Variants in RTTN observed in about 807,000 individuals in gnomAD.
The protein encoded by RTTN is rotatin.
A neutral mutation model predicts 269.2 loss-of-function variants in RTTN; 182 were observed. The observed-to-expected ratio is 0.68, with a 90% CI of 0.60 to 0.76. The LOEUF is 0.76. Among genes scored for constraint, RTTN ranks in the 30% least tolerant of loss-of-function variants. The pLI, the probability that RTTN is intolerant of heterozygous loss-of-function variation, is 0.00. For synonymous variants in RTTN, 1,006 were observed against 963.5 expected, an observed-to-expected ratio of 1.04 and a Z score of -0.82; for missense variants, 2,545 against 2,608.6, an observed-to-expected ratio of 0.98 and a Z score of 0.53.
At chr18:70,047,458 T>C (rs72959846) in intron 40 of RTTN, among the ~76,000 whole-genome samples, 147 of 152,310 alleles carry the variant, frequency 9.7e-4, no homozygotes, top group Non-Finnish European at 1.5e-3. Context: ...ACTGTAAACA[T>C]AATTTTATAA....
Position 70,159,664 on chromosome 18 carries a change from C to A in RTTN, c.1929+6398G>T, listed in dbSNP as rs80355219. Among the ~76,000 whole-genome samples the A allele has an allele frequency of 4.8e-3, 731 of 151,970 alleles. 4 individuals are homozygous for A. Among genetic ancestry groups the A allele is most frequent in the African/African-American group, 0.017 (691 of 41,470 alleles). ...AATTTTGGTTCTCCAAAAGAATATA[C>A]AAGATTGATATATCATTAGCTAGAT... On this transcript the variant is annotated intron_variant, in intron 14 of 48. Coordinates refer to ENST00000640769, the MANE Select transcript of RTTN (RefSeq NM_173630.4).
intron 17 of RTTN, among the ~76,000 whole-genome samples, chr18:70,148,465 C>T (rs991943392): frequency 5.3e-5 from 8 of 152,108 alleles, no homozygotes; most frequent in Admixed American, 3.9e-4. Context: ...AAAATACCTG[C>T]ATAACTCTGG....
In RTTN at chr18:70,171,918, C is replaced by T. The variant is rs142994276; in HGVS notation, c.1477-2851G>A. On this transcript the variant is annotated intron_variant, in intron 11 of 48. Coordinates refer to ENST00000640769, the MANE Select transcript of RTTN (RefSeq NM_173630.4). Reference sequence around the variant, plus strand: ...GTTTGAAAAGCACTGCTCTCAGTCACTCAACTGGCTTCACCAGGTCATTAG... The same window carrying T: ...GTTTGAAAAGCACTGCTCTCAGTCATTCAACTGGCTTCACCAGGTCATTAG... 4.6e-5 allele frequency among the ~76,000 whole-genome samples: 7 copies of T among 152,306 alleles called. No homozygotes were observed. In the East Asian group the frequency reaches 9.6e-4, roughly 21 times the overall value.
rs2056108750 is a variant in RTTN, at chr18:70,004,201, A to G, written c.6631T>C (p.Tyr2211His). 1.9e-6 allele frequency: 3 copies of G among 1,613,782 alleles called. No individual in the cohort carries two copies. The highest frequency in any genetic ancestry group is 2.5e-6 in the Non-Finnish European group (3 of 1,179,680). Residue 2211 changes from tyrosine to histidine, a missense_variant, in exon 49 of 49, where the codon TAT becomes CAT. By Grantham distance (83) the Tyr-to-His change is moderately conservative. Coordinates refer to ENST00000640769, the MANE Select transcript of RTTN (RefSeq NM_173630.4). ...AGGTTTTCAAGACATTTCAAATAAT[A>G]GGCATTTAGAGGGTTTGCTTCTGAG... Reference protein sequence around the residue: ...PNSEANPLNAYYLKCLENLVQ... With the variant: ...PNSEANPLNAHYLKCLENLVQ...
At chr18:70,045,694 T>C (rs2057471067) in intron 40 of RTTN, among the ~76,000 whole-genome samples, 1 of 152,210 alleles carries the variant, frequency 6.6e-6, no homozygotes, top group Non-Finnish European at 1.5e-5. Flanking sequence ...AGGAGTATAC[T>C]TCCTCTCTTC....
intron 30 of RTTN, among the ~76,000 whole-genome samples, chr18:70,089,389 C>G (rs559429299): frequency 1.3e-5 from 2 of 152,314 alleles, no homozygotes; most frequent in African/African-American, 2.4e-5. Context: ...AGAAACCAAC[C>G]ATGTTGACAC....
At chr18:70,169,670 AAATC>A (rs2061087086) in intron 11 of RTTN, among the ~76,000 whole-genome samples, 1 of 152,198 alleles carries the variant, frequency 6.6e-6, no homozygotes, top group African/African-American at 2.4e-5. Context: ...AATTAGTATA[AAATC>A]AATATGCCCA....
At chr18:70,162,274 C>T (rs954330396) in intron 14 of RTTN, among the ~76,000 whole-genome samples, 1 of 152,136 alleles carries the variant, frequency 6.6e-6, no homozygotes, top group Non-Finnish European at 1.5e-5. Flanking sequence ...AAATACAGCA[C>T]ATTCTCACTT....
At chr18:70,031,143 C>T (rs920826538) in intron 40 of RTTN, among the ~76,000 whole-genome samples, 162 bp from the exon 41 acceptor site, 2 of 152,130 alleles carry the variant, frequency 1.3e-5, no homozygotes, top group Admixed American at 6.5e-5. Flanking sequence ...GAATGTTCTG[C>T]GTGGATAAGA....
At chr18:70,055,971 G>A (rs1273001693) in intron 37 of RTTN, among the ~76,000 whole-genome samples, 2 of 152,096 alleles carry the variant, frequency 1.3e-5, no homozygotes, top group African/African-American at 2.4e-5. Flanking sequence ...CCAGCTTTCT[G>A]CTTAAGTGTC....
intron 35 of RTTN, 103 bp from the exon 36 acceptor site, chr18:70,060,145 A>G (rs1176693836): frequency 2.3e-5 from 24 of 1,060,566 alleles, no homozygotes; most frequent in African/African-American, 6.4e-5. Context: ...ATGATAATGT[A>G]TAGTTGGGGA....
chr18:70,016,877 C>T (rs2056554826), intron 46 of RTTN, among the ~76,000 whole-genome samples: 1 of 152,060 alleles, frequency 6.6e-6, no homozygotes, highest in African/African-American at 2.4e-5. Context: ...AAGAGCTTAC[C>T]TTCTAGTGTG....
At position 70,176,734 on chromosome 18, in the gene RTTN, A is replaced by G; in HGVS notation, c.1417T>C (p.Phe473Leu). The G allele has an allele frequency of 6.2e-7, 1 of 1,614,086 alleles. No homozygotes were observed. The highest frequency in any genetic ancestry group is 1.6e-4 in the Middle Eastern group (1 of 6,062). ...EVMLVHHRMA[F>L]ISISLFAVRL... ...ACTGCAAACAGGGAAATGCTGATAA[A>G]GGCCATTCTGTGGTGCACAAGCATC... The change falls in exon 11 of 49, where the codon TTT (phenylalanine) becomes CTT (leucine). Residue 473 changes from phenylalanine (F) to leucine (L), a missense_variant. Transcript: ENST00000640769.
In RTTN at chr18:70,142,343, A is replaced by G; in HGVS notation, c.2526T>C (p.Asp842=). 2 of 1,608,954 alleles carry G rather than the reference A, an allele frequency of 1.2e-6. No homozygotes were observed. Among genetic ancestry groups the G allele is most frequent in the Non-Finnish European group, 1.7e-6 (2 of 1,178,362 alleles). The change falls in exon 19 of 49, where the codon GAT becomes GAC. Residue 842 remains aspartate, a synonymous_variant. Coordinates refer to ENST00000640769, the MANE Select transcript of RTTN (RefSeq NM_173630.4). ...EKVYEIFTSD[D]VDLVLRKSAA... Reference sequence around the variant, plus strand: ...CTGACTTTCTCAAAACGAGATCAACATCATCTGAGGTGAAGATTTCATATA... The same window carrying G: ...CTGACTTTCTCAAAACGAGATCAACGTCATCTGAGGTGAAGATTTCATATA...
intron 26 of RTTN, 122 bp downstream of exon 26, chr18:70,121,434 T>C (rs1179008687): frequency 2.6e-6 from 2 of 783,052 alleles, no homozygotes; most frequent in Non-Finnish European, 3.9e-6. Flanking sequence ...ATTCATTACA[T>C]GAAGACTACT....
rs750966344 is a variant in RTTN, at chr18:70,166,891, G to A, written c.1802+28C>T. 2.6e-5 allele frequency: 37 copies of A among 1,446,988 alleles called. No individual in the cohort carries two copies. In the East Asian group the frequency reaches 3.4e-4, roughly 13 times the overall value. 89.6% of individuals were successfully genotyped at this position (1,446,988 alleles called of 1,614,324 possible). A position where few individuals can be genotyped will look rare whatever the true frequency, so the allele number is the denominator to read the frequency against. ...CACACCCTAAGTGTCCAATAATAACGTAATCACATTAAGAAAGAAAATATT... is the reference window on the plus strand; with the variant it reads ...CACACCCTAAGTGTCCAATAATAACATAATCACATTAAGAAAGAAAATATT... On this transcript the variant is annotated intron_variant, in intron 13 of 48. Transcript: ENST00000640769.
intron 5 of RTTN, 136 bp downstream of exon 5, chr18:70,199,277 TA>T: frequency 2.2e-6 from 1 of 450,800 alleles, no homozygotes. Context: ...TTTTGAAAAA[TA>T]AAAATCATTT....
chr18:70,141,409 T>G (rs2060253984), intron 19 of RTTN, among the ~76,000 whole-genome samples: 1 of 152,118 alleles, frequency 6.6e-6, no homozygotes, highest in Admixed American at 6.6e-5. Context: ...TTTTTAAAAA[T>G]AAACATTTAT....
chr18:70,132,131 C>A (rs1339808525), intron 23 of RTTN, among the ~76,000 whole-genome samples: 3 of 152,020 alleles, frequency 2.0e-5, no homozygotes, highest in Admixed American at 2.0e-4. Context: ...AGACAACCCA[C>A]CAGCATGTTT....
Sources: allele counts gnomAD v4.1 joint callset (sites outside exome capture counted in the v4.1 genomes callset), GRCh38; gene constraint gnomAD v4.1.1; transcripts MANE v1.5; gene names NCBI Gene and HGNC (gene_info 2026-07-23, HGNC 2026-07-21).